UNC5C: variants seen among roughly 807,000 people sequenced by gnomAD.
The protein encoded by UNC5C is unc-5 netrin receptor C, also known as netrin receptor UNC5C.
Under a neutral mutation model 99.8 loss-of-function variants are expected in UNC5C, and 47 were observed. The ratio of observed to expected loss-of-function variants is 0.47; its 90% confidence interval spans 0.37 to 0.60. The LOEUF is 0.60. Among genes scored for constraint, UNC5C ranks in the 20% least tolerant of loss-of-function variants. UNC5C has a pLI of 0.00. For synonymous variants in UNC5C, 487 were observed against 452.2 expected (o/e 1.08, Z -0.98); for missense variants, 1,062 against 1,165.9 (o/e 0.91, Z 1.30).
At chr4:95,396,595 C>A (rs2149446938) in intron 1 of UNC5C, among the ~76,000 whole-genome samples, 1 of 152,210 alleles carries the variant, frequency 6.6e-6, no homozygotes, top group East Asian at 1.9e-4. Flanking sequence ...ATGGAGTCCA[C>A]CACTGGAGTG....
intron 1 of UNC5C, among the ~76,000 whole-genome samples, chr4:95,545,789 C>CAG (rs1306431910): frequency 2.6e-5 from 4 of 152,130 alleles, no homozygotes; most frequent in Non-Finnish European, 5.9e-5. Context: ...CACACACACA[C>CAG]ACACACTGCC....
chr4:95,237,069 T>C (rs150495138), intron 7 of UNC5C, among the ~76,000 whole-genome samples: 22 of 152,350 alleles, frequency 1.4e-4, no homozygotes, highest in African/African-American at 4.8e-4. Context: ...AGGTTGGTTA[T>C]AATACCTAAT....
chr4:95,451,468 T>G (rs2149467581), intron 1 of UNC5C, among the ~76,000 whole-genome samples: 1 of 152,336 alleles, frequency 6.6e-6, no homozygotes, highest in Non-Finnish European at 1.5e-5. Flanking sequence ...ATCTTAACCA[T>G]AAGTCAATAG....
At chr4:95,430,013 G>T (rs1746588877) in intron 1 of UNC5C, among the ~76,000 whole-genome samples, 2 of 152,214 alleles carry the variant, frequency 1.3e-5, no homozygotes, top group South Asian at 4.1e-4. Flanking sequence ...TGGGGAGGGA[G>T]AGATGAACTG....
chr4:95,534,031 A>G (rs1274046049), intron 1 of UNC5C, among the ~76,000 whole-genome samples: 1 of 152,172 alleles, frequency 6.6e-6, no homozygotes, highest in Non-Finnish European at 1.5e-5. Flanking sequence ...AAACATTTTT[A>G]TAATTATGTA....
intron 1 of UNC5C, among the ~76,000 whole-genome samples, chr4:95,391,578 CT>C (rs1243537223): frequency 1.3e-5 from 2 of 151,976 alleles, no homozygotes; most frequent in Non-Finnish European, 2.9e-5. Context: ...CTTTCCTTTT[CT>C]TCCACTGTCA....
At chr4:95,243,625 A>G (rs1198334927) in intron 6 of UNC5C, among the ~76,000 whole-genome samples, 1 of 152,196 alleles carries the variant, frequency 6.6e-6, no homozygotes, top group Non-Finnish European at 1.5e-5. Flanking sequence ...AATAGTCTAC[A>G]TAGTTTGAGA....
intron 3 of UNC5C, among the ~76,000 whole-genome samples, chr4:95,280,475 G>A (rs1286622764): frequency 6.6e-6 from 1 of 152,168 alleles, no homozygotes; most frequent in African/African-American, 2.4e-5. Flanking sequence ...AATCACCTGA[G>A]GTCAGGAGTT....
intron 12 of UNC5C, among the ~76,000 whole-genome samples, chr4:95,190,958 C>T (rs1048161998): frequency 3.3e-5 from 5 of 152,150 alleles, no homozygotes; most frequent in Admixed American, 6.5e-5. Flanking sequence ...CCAATTAAAC[C>T]AAGACATTAT....
intron 1 of UNC5C, among the ~76,000 whole-genome samples, chr4:95,525,463 T>C (rs142180584): frequency 6.6e-6 from 1 of 151,972 alleles, no homozygotes; most frequent in Non-Finnish European, 1.5e-5. Flanking sequence ...AATCAAATGA[T>C]TTTTGTAAAT....
chr4:95,525,650 C>A (rs1329405584), intron 1 of UNC5C, among the ~76,000 whole-genome samples: 1 of 145,048 alleles, frequency 6.9e-6, no homozygotes, highest in Non-Finnish European at 1.5e-5. Context: ...TTGCCAAAGT[C>A]CAAGATACTG....
chr4:95,173,320 G>T (rs1736200569), intron 14 of UNC5C, among the ~76,000 whole-genome samples: 2 of 134,574 alleles, frequency 1.5e-5, no homozygotes, highest in African/African-American at 2.7e-5. Flanking sequence ...TCTTGTGCCA[G>T]TTTTCAAAGG....
rs1219681756 is a variant in UNC5C at position 95,260,103 on chromosome 4, G to A, written c.595-9436C>T. Among the ~76,000 whole-genome samples, 5 of 152,258 alleles carry A rather than the reference G, an allele frequency of 3.3e-5. No individual in the cohort carries two copies. The South Asian group carries it at 6.2e-4, about 19-fold the overall frequency. ...CTATGACTGCACTGGTCCCCAAAAA[G>A]GGACTGTCCCCCATCTTTTTCCTCA... On this transcript the variant is annotated intron_variant, in intron 4 of 15. Transcript: ENST00000453304.
intron 3 of UNC5C, among the ~76,000 whole-genome samples, chr4:95,285,949 G>A (rs2149397421): frequency 6.6e-6 from 1 of 152,236 alleles, no homozygotes; most frequent in Admixed American, 6.5e-5. Flanking sequence ...TTTAGGTCCT[G>A]ACCCTACCAC....
chr4:95,463,316 G>A (rs576967397), intron 1 of UNC5C, among the ~76,000 whole-genome samples: 3 of 152,268 alleles, frequency 2.0e-5, no homozygotes, highest in South Asian at 4.1e-4. Flanking sequence ...GAGGAAGGGC[G>A]TTCAGGAAGA....
intron 7 of UNC5C, chr4:95,222,156 G>T: frequency 7.8e-7 from 1 of 1,282,316 alleles, no homozygotes. Flanking sequence ...TTGAACTAGG[G>T]GCAATAACGT....
chr4:95,512,700 T>C (rs1269337968), intron 1 of UNC5C, among the ~76,000 whole-genome samples: 3 of 152,222 alleles, frequency 2.0e-5, no homozygotes, highest in African/African-American at 7.2e-5. Flanking sequence ...TATGCAATTA[T>C]ATGTTTTGTT....
intron 1 of UNC5C, among the ~76,000 whole-genome samples, chr4:95,345,519 C>T (rs77682443): frequency 0.024 from 3,609 of 152,028 alleles, 140 homozygotes; most frequent in African/African-American, 0.081. Flanking sequence ...TGATAGATAT[C>T]TACAGAAAAT....
At chr4:95,275,827 C>T (rs1035348591) in intron 4 of UNC5C, among the ~76,000 whole-genome samples, 1 of 152,170 alleles carries the variant, frequency 6.6e-6, no homozygotes, top group Non-Finnish European at 1.5e-5. Context: ...GCCATATGTT[C>T]ATTGAACATA....
Sources: gnomAD v4.1 joint callset for allele counts (sites outside exome capture counted in the v4.1 genomes callset) on GRCh38, gnomAD v4.1.1 for gene constraint, MANE v1.5 for transcripts, NCBI Gene and HGNC (gene_info 2026-07-23, HGNC 2026-07-21) for gene names.